EXT2: variants seen among roughly 807,000 people sequenced by gnomAD.
EXT2 encodes exostosin-2.
EXT2 carries 53 observed loss-of-function variants against 81.6 expected under a neutral mutation model. The observed-to-expected ratio is 0.65, with a 90% CI of 0.52 to 0.82. EXT2 has a LOEUF of 0.82. Ranked by LOEUF, EXT2 falls within the 40% of genes least tolerant of loss-of-function variation. The pLI, the probability that EXT2 is intolerant of heterozygous loss-of-function variation, is 0.00. For synonymous variants in EXT2, 320 were observed against 340.0 expected (o/e 0.94, Z 0.65); for missense variants, 774 against 910.2 (o/e 0.85, Z 1.93).
chr11:44,148,683 A>T (rs1212183523), intron 7 of EXT2, among the ~76,000 whole-genome samples: 2 of 152,206 alleles, frequency 1.3e-5, no homozygotes, highest in African/African-American at 2.4e-5. Context: ...TAATCAACAG[A>T]TATTTATTGA....
chr11:44,178,675 G>A (rs1955192075), intron 8 of EXT2, among the ~76,000 whole-genome samples: 1 of 152,156 alleles, frequency 6.6e-6, no homozygotes, highest in Non-Finnish European at 1.5e-5. Context: ...TTAACAGTCT[G>A]TGTAACTCAA....
At chr11:44,141,748 A>G (rs763988134) in intron 7 of EXT2, among the ~76,000 whole-genome samples, 12 of 152,216 alleles carry the variant, frequency 7.9e-5, no homozygotes, top group Non-Finnish European at 1.6e-4. Context: ...TGAATCCCCA[A>G]TATGGGATAT....
intron 4 of EXT2, among the ~76,000 whole-genome samples, chr11:44,123,278 C>T (rs1245987794): frequency 6.6e-6 from 1 of 152,186 alleles, no homozygotes; most frequent in Non-Finnish European, 1.5e-5. Flanking sequence ...GTAACAATTA[C>T]CATTCTCTCT....
intron 7 of EXT2, among the ~76,000 whole-genome samples, chr11:44,144,631 G>A (rs1452159986): frequency 6.6e-6 from 1 of 152,146 alleles, no homozygotes; most frequent in Admixed American, 6.6e-5. Context: ...TGACATATTT[G>A]AAGGTGATAC....
chr11:44,224,810 C>A (rs1412519847), intron 10 of EXT2, among the ~76,000 whole-genome samples: 3 of 152,122 alleles, frequency 2.0e-5, no homozygotes, highest in Non-Finnish European at 2.9e-5. Flanking sequence ...TTATTTTCTC[C>A]TTGGTGGACA....
At chr11:44,170,332 C>T (rs1320575893) in intron 7 of EXT2, among the ~76,000 whole-genome samples, 3 of 151,752 alleles carry the variant, frequency 2.0e-5, no homozygotes, top group Admixed American at 6.6e-5. Flanking sequence ...TAGCACATAG[C>T]GGGAAATTTA....
chr11:44,112,320 G>A (rs1954156520), intron 3 of EXT2, among the ~76,000 whole-genome samples: 1 of 152,188 alleles, frequency 6.6e-6, no homozygotes, highest in African/African-American at 2.4e-5. Context: ...ATGCTGGAGA[G>A]CGCCTCCAGT....
chr11:44,114,145 C>G (rs2134983864), intron 3 of EXT2, 40 bp from the exon 4 acceptor site: 70 of 1,487,942 alleles, frequency 4.7e-5, no homozygotes, highest in Non-Finnish European at 6.0e-5. Context: ...AGAATAAAGT[C>G]CTTTCTTTCT....
In EXT2 at chr11:44,206,625, A is replaced by G. The variant is rs79331885; in HGVS notation, c.1496-168A>G. On this transcript the variant is annotated intron_variant, in intron 9 of 13. Transcript: ENST00000533608. ...TGCAGTATATATATTTTTTATTATA[A>G]CAAAGATGCATCTGTGAGAATCTCC... is the stretch of plus-strand genomic sequence containing the variant. 4.9e-3 allele frequency among the ~76,000 whole-genome samples: 749 copies of G among 152,274 alleles called. 7 individuals are homozygous for G. Among genetic ancestry groups the G allele is most frequent in the African/African-American group, 0.017 (725 of 41,544 alleles).
chr11:44,144,259 C>A, intron 7 of EXT2: 1 of 1,598,354 alleles, frequency 6.3e-7, no homozygotes. Flanking sequence ...CTTCATGGAA[C>A]CAGCCAGGAG....
intron 8 of EXT2, among the ~76,000 whole-genome samples, chr11:44,182,898 T>A (rs375055600): frequency 2.0e-5 from 3 of 152,336 alleles, no homozygotes; most frequent in East Asian, 3.8e-4. Context: ...CTCTTTAGCC[T>A]CCTTTTTAAG....
At chr11:44,184,668 A>G (rs915779348) in intron 8 of EXT2, among the ~76,000 whole-genome samples, 5 of 152,058 alleles carry the variant, frequency 3.3e-5, no homozygotes, top group African/African-American at 4.8e-5. Flanking sequence ...GGAGAATGGC[A>G]TGAACCCGGG....
rs1956124732 is a variant in EXT2 at position 44,249,764 on chromosome 11, A to G, written c.*5477A>G. On this transcript the variant is annotated 3_prime_UTR_variant, in exon 14 of 14. Coordinates refer to ENST00000533608, the MANE Select transcript of EXT2 (RefSeq NM_207122.2). ...AGTCATTCTGTTATGCTAACTATTC[A>G]TTTTCTCATGAAAATGTAGTCTTTG... is the stretch of plus-strand genomic sequence containing the variant. 6.6e-6 allele frequency among the ~76,000 whole-genome samples: 1 copy of G among 152,214 alleles called. No individual in the cohort carries two copies. Among genetic ancestry groups the G allele is most frequent in the African/African-American group, 2.4e-5 (1 of 41,542 alleles).
chr11:44,202,101 A>G (rs1188868996), intron 9 of EXT2, among the ~76,000 whole-genome samples: 1 of 152,184 alleles, frequency 6.6e-6, no homozygotes, highest in Non-Finnish European at 1.5e-5. Context: ...CTAACTTGCA[A>G]CAGGGAAAAG....
At position 44,150,274 on chromosome 11, in the gene EXT2, T is replaced by A. The variant is rs74962752; in HGVS notation, c.1173+20136T>A. 0.02 allele frequency among the ~76,000 whole-genome samples: 2,918 copies of A among 146,542 alleles called. 234 individuals are homozygous for A. In the East Asian group the frequency reaches 0.29, roughly 15 times the overall value. On this transcript the variant is annotated intron_variant, in intron 7 of 13. Transcript: ENST00000533608. The stretch of plus-strand genomic sequence containing the variant: ...AGGTCCATTTAGTATGGCACAGAGT[T>A]TCATAATTGTGTTTGTTAATATTAA...
rs1956127119 is a variant in EXT2 at position 44,250,111 on chromosome 11, C to T, written c.*5824C>T. Among the ~76,000 whole-genome samples, 1 of 152,144 alleles carries T rather than the reference C, an allele frequency of 6.6e-6. No homozygotes were observed. ...TCTTTGCCAGGCAGTGTGGTAGGCC[C>T]AAGAGATATAGCAATTAGAGTTGAC... On this transcript the variant is annotated 3_prime_UTR_variant, in exon 14 of 14. Coordinates refer to ENST00000533608, the MANE Select transcript of EXT2 (RefSeq NM_207122.2).
At chr11:44,241,268 G>C (rs1046806547) in intron 13 of EXT2, among the ~76,000 whole-genome samples, 1 of 152,116 alleles carries the variant, frequency 6.6e-6, no homozygotes, top group South Asian at 2.1e-4. Flanking sequence ...CGGGCAGACA[G>C]TATTGACTTA....
chr11:44,123,058 T>TG (rs1954341895), intron 4 of EXT2, among the ~76,000 whole-genome samples: 1 of 152,358 alleles, frequency 6.6e-6, no homozygotes, highest in South Asian at 2.1e-4. Flanking sequence ...AAAAGCAGTC[T>TG]GGCTGTGGTA....
chr11:44,243,735 TC>T (rs1425882030), intron 13 of EXT2, among the ~76,000 whole-genome samples: 1 of 147,390 alleles, frequency 6.8e-6, no homozygotes, highest in Non-Finnish European at 1.5e-5. Flanking sequence ...TTTCTTTCCA[TC>T]CTTTGCCTTC....
Sources: gnomAD v4.1 joint callset for allele counts (sites outside exome capture counted in the v4.1 genomes callset) on GRCh38, gnomAD v4.1.1 for gene constraint, MANE v1.5 for transcripts, NCBI Gene and HGNC (gene_info 2026-07-23, HGNC 2026-07-21) for gene names.